IFT57: variants seen among roughly 807,000 people sequenced by gnomAD.
The protein encoded by IFT57 is intraflagellar transport 57.
In IFT57, 59 loss-of-function variants were observed where a neutral mutation model predicts 56.8. The observed-to-expected ratio is 1.04, with a 90% CI of 0.84 to 1.29. IFT57 has a LOEUF of 1.29. Ranked by LOEUF, IFT57 falls within the 50% of genes most tolerant of loss-of-function variation. IFT57 has a pLI of 0.00. For missense variants in IFT57, 470 were observed against 522.1 expected, an observed-to-expected ratio of 0.90 and a Z score of 0.97; for synonymous variants, 209 against 186.1, an observed-to-expected ratio of 1.12 and a Z score of -1.00.
chr3:108,163,851 G>A (rs2080047151), intron 9 of IFT57, 122 bp from the exon 10 acceptor site: 1 of 623,898 alleles, frequency 1.6e-6, no homozygotes, highest in African/African-American at 1.9e-5. Flanking sequence ...AAAGATATTA[G>A]GAATATTTTG....
intron 6 of IFT57, among the ~76,000 whole-genome samples, chr3:108,184,769 G>A (rs554622143): frequency 6.6e-6 from 1 of 152,262 alleles, no homozygotes; most frequent in African/African-American, 2.4e-5. Flanking sequence ...ATGTCCAAGT[G>A]AGCAGTTAGT....
intron 8 of IFT57, among the ~76,000 whole-genome samples, chr3:108,165,908 G>A (rs576734269): frequency 1.3e-5 from 2 of 152,044 alleles, no homozygotes; most frequent in South Asian, 2.1e-4. Flanking sequence ...TTAACATCCC[G>A]TAAGACAGTA....
intron 4 of IFT57, among the ~76,000 whole-genome samples, chr3:108,210,187 C>T (rs548988415): frequency 6.6e-6 from 1 of 152,058 alleles, no homozygotes; most frequent in African/African-American, 2.4e-5. Context: ...TGATTACATA[C>T]AATAGGCGGG....
At chr3:108,186,085 A>T (rs1015680286) in intron 6 of IFT57, among the ~76,000 whole-genome samples, 5 of 152,146 alleles carry the variant, frequency 3.3e-5, no homozygotes, top group African/African-American at 1.2e-4. Context: ...CTTATTACAC[A>T]TAGTACTCTA....
At chr3:108,206,058 TTATATATAATAA>T (rs1269969445) in intron 5 of IFT57, among the ~76,000 whole-genome samples, 2 of 105,038 alleles carry the variant, frequency 1.9e-5, no homozygotes, top group Non-Finnish European at 4.0e-5. Flanking sequence ...TATATATTAT[TTATATATAATAA>T]TATATTATAT....
At chr3:108,211,042 T>G (rs2080340237) in intron 4 of IFT57, among the ~76,000 whole-genome samples, 1 of 152,208 alleles carries the variant, frequency 6.6e-6, no homozygotes, top group Non-Finnish European at 1.5e-5. Context: ...TGCCGATAGT[T>G]TGATTTTATG....
chr3:108,216,176 C>T (rs1335255570), intron 3 of IFT57, among the ~76,000 whole-genome samples: 1 of 152,108 alleles, frequency 6.6e-6, no homozygotes, highest in African/African-American at 2.4e-5. Context: ...AGTGAAGAGA[C>T]AACCCACAGA....
chr3:108,197,861 A>C (rs2080251908), intron 5 of IFT57, among the ~76,000 whole-genome samples: 1 of 152,278 alleles, frequency 6.6e-6, no homozygotes, highest in African/African-American at 2.4e-5. Flanking sequence ...TAAATCTCGG[A>C]GTACCCATCT....
chr3:108,187,851 T>C (rs1412631457), intron 6 of IFT57, among the ~76,000 whole-genome samples: 3 of 151,934 alleles, frequency 2.0e-5, no homozygotes, highest in Admixed American at 2.0e-4. Context: ...TTCTTTTCTT[T>C]AAAACACACA....
chr3:108,162,688 T>C, intron 10 of IFT57, 33 bp from the exon 11 acceptor site: 1 of 1,523,968 alleles, frequency 6.6e-7, no homozygotes, highest in Non-Finnish European at 8.9e-7. Context: ...AATAAAAATG[T>C]TCATTTGGAG....
intron 8 of IFT57, among the ~76,000 whole-genome samples, chr3:108,166,610 G>A (rs2080064683): frequency 6.6e-6 from 1 of 151,982 alleles, no homozygotes; most frequent in Non-Finnish European, 1.5e-5. Flanking sequence ...AACAGCATAT[G>A]CCTTCATTTA....
intron 5 of IFT57, among the ~76,000 whole-genome samples, chr3:108,206,421 T>C (rs2080314366): frequency 6.6e-6 from 1 of 152,002 alleles, no homozygotes; most frequent in African/African-American, 2.4e-5. Context: ...TTTTCCATAA[T>C]ACAGACAGGA....
chr3:108,167,043 T>A (rs890224785), intron 7 of IFT57, 58 bp from the exon 8 acceptor site: 9 of 1,487,798 alleles, frequency 6.0e-6, no homozygotes, highest in Non-Finnish European at 6.4e-6. Flanking sequence ...TTTTCAAAAA[T>A]ATTAAAAATG....
chr3:108,203,091 G>C (rs2080288368), intron 5 of IFT57, among the ~76,000 whole-genome samples: 1 of 152,226 alleles, frequency 6.6e-6, no homozygotes, highest in South Asian at 2.1e-4. Flanking sequence ...CCAGCAGACA[G>C]TCTCCTGCTG....
intron 6 of IFT57, among the ~76,000 whole-genome samples, chr3:108,171,899 GTC>G (rs1182632916): frequency 2.0e-5 from 3 of 151,668 alleles, no homozygotes; most frequent in East Asian, 1.9e-4. Context: ...CTTCCTAACA[GTC>G]TCTGTTTCTC....
chr3:108,180,686 A>C (rs1303000893), intron 6 of IFT57, among the ~76,000 whole-genome samples: 3 of 152,042 alleles, frequency 2.0e-5, no homozygotes, highest in African/African-American at 7.2e-5. Flanking sequence ...ATTTGTTAGA[A>C]TATTAAGAAA....
chr3:108,169,579 G>A (rs2080081953), intron 6 of IFT57, among the ~76,000 whole-genome samples: 1 of 151,940 alleles, frequency 6.6e-6, no homozygotes, highest in South Asian at 2.1e-4. Flanking sequence ...ATCCTGAATG[G>A]TATTGCCTAG....
intron 5 of IFT57, among the ~76,000 whole-genome samples, chr3:108,200,317 A>C (rs923077818): frequency 6.6e-6 from 1 of 152,198 alleles, no homozygotes; most frequent in Admixed American, 6.5e-5. Context: ...TGGCCTTGCA[A>C]GACAGCTGAA....
At chr3:108,216,441 T>C (rs963248262) in intron 3 of IFT57, among the ~76,000 whole-genome samples, 19 of 152,212 alleles carry the variant, frequency 1.2e-4, no homozygotes, top group African/African-American at 4.3e-4. Context: ...CCAGTTAGAA[T>C]GGCTATTACC....
Sources: gnomAD v4.1 joint callset for allele counts (sites outside exome capture counted in the v4.1 genomes callset) on GRCh38, gnomAD v4.1.1 for gene constraint, MANE v1.5 for transcripts, NCBI Gene and HGNC (gene_info 2026-07-23, HGNC 2026-07-21) for gene names.